DKK2: variants seen among roughly 807,000 people sequenced by gnomAD.
The protein encoded by DKK2 is dickkopf-related protein 2.
A neutral mutation model predicts 28.1 loss-of-function variants in DKK2; 11 were observed. That is an observed-to-expected ratio of 0.39 (90% confidence interval 0.25 to 0.65). DKK2 has a LOEUF of 0.65. Ranked by LOEUF, DKK2 falls within the 30% of genes least tolerant of loss-of-function variation. The pLI is 0.47. For synonymous variants in DKK2, 135 were observed against 126.5 expected (o/e 1.07, Z -0.45); for missense variants, 326 against 335.5 (o/e 0.97, Z 0.22).
At position 107,035,810 on chromosome 4, in the gene DKK2, A is replaced by G. The variant is rs1361272202; in HGVS notation, c.-219T>C. ...CCCAAGCGAGACCCGCTTCTCCACC[A>G]GGACAGGAAGTTCTGCAATAACTGG... On this transcript the variant is annotated 5_prime_UTR_variant, in exon 1 of 4. Coordinates refer to ENST00000285311, the MANE Select transcript of DKK2 (RefSeq NM_014421.3). 5 of 586,110 alleles carry G rather than the reference A, an allele frequency of 8.5e-6. No individual in the cohort carries two copies. Among genetic ancestry groups the G allele is most frequent in the Non-Finnish European group, 1.5e-5 (5 of 329,226 alleles). 36.3% of individuals were successfully genotyped at this position (586,110 alleles called of 1,614,324 possible).
At chr4:106,935,845 A>G (rs1724578031) in intron 1 of DKK2, among the ~76,000 whole-genome samples, 1 of 152,222 alleles carries the variant, frequency 6.6e-6, no homozygotes, top group East Asian at 1.9e-4. Flanking sequence ...GGCACACCCC[A>G]GCAGGGTCAC....
At chr4:106,970,261 T>C (rs1722851949) in intron 1 of DKK2, among the ~76,000 whole-genome samples, 1 of 152,066 alleles carries the variant, frequency 6.6e-6, no homozygotes, top group African/African-American at 2.4e-5. Flanking sequence ...ATTGTTTAAT[T>C]AAGGAGATAG....
chr4:106,949,381 T>A (rs1223195285), intron 1 of DKK2, among the ~76,000 whole-genome samples: 1 of 152,202 alleles, frequency 6.6e-6, no homozygotes, highest in Non-Finnish European at 1.5e-5. Flanking sequence ...ACTCACACAT[T>A]TCTAGATCTC....
intron 1 of DKK2, among the ~76,000 whole-genome samples, chr4:107,032,165 G>A (rs1012513603): frequency 3.9e-5 from 6 of 151,934 alleles, no homozygotes; most frequent in South Asian, 4.1e-4. Context: ...ACATTGATGC[G>A]AATAATTCAG....
intron 1 of DKK2, among the ~76,000 whole-genome samples, chr4:107,022,232 C>T (rs1324515162): frequency 6.6e-6 from 1 of 152,104 alleles, no homozygotes; most frequent in Non-Finnish European, 1.5e-5. Flanking sequence ...CTAGATGCTT[C>T]AAGTGCACTA....
intron 1 of DKK2, among the ~76,000 whole-genome samples, chr4:106,939,943 T>A (rs1724667877): frequency 6.6e-6 from 1 of 152,160 alleles, no homozygotes; most frequent in African/African-American, 2.4e-5. Context: ...CCTTATACCT[T>A]ATACAAAAAT....
intron 1 of DKK2, among the ~76,000 whole-genome samples, chr4:107,019,570 C>A (rs532992800): frequency 3.3e-5 from 5 of 152,164 alleles, no homozygotes; most frequent in Admixed American, 2.0e-4. Context: ...TATCTAGTCA[C>A]ATTAATGCTG....
At position 107,034,558 on chromosome 4, in the gene DKK2, T is replaced by C. The variant is rs1301564940; in HGVS notation, c.222+812A>G. On this transcript the variant is annotated intron_variant, in intron 1 of 3. Coordinates refer to ENST00000285311, the MANE Select transcript of DKK2 (RefSeq NM_014421.3). ...TCTGTATGACAGAGACAGAGGCGCC[T>C]GCGGAAAGTTCCCTCTCTCAAAAAC... 2.6e-5 allele frequency among the ~76,000 whole-genome samples: 4 copies of C among 152,184 alleles called. No homozygotes were observed. The East Asian group carries it at 7.7e-4, about 29-fold the overall frequency.
At chr4:106,942,633 A>G (rs997524697) in intron 1 of DKK2, among the ~76,000 whole-genome samples, 1 of 152,150 alleles carries the variant, frequency 6.6e-6, no homozygotes. Context: ...ATTGAGATAC[A>G]TAACACATAA....
At chr4:107,004,583 T>C (rs565891743) in intron 1 of DKK2, among the ~76,000 whole-genome samples, 1 of 152,340 alleles carries the variant, frequency 6.6e-6, no homozygotes, top group Admixed American at 6.5e-5. Context: ...ATAGAAGACA[T>C]GGCAAACAAA....
chr4:106,964,691 G>A (rs578151787), intron 1 of DKK2, among the ~76,000 whole-genome samples: 2 of 152,120 alleles, frequency 1.3e-5, no homozygotes, highest in South Asian at 4.2e-4. Flanking sequence ...TCTATAATCA[G>A]TTTTCTTTAA....
In DKK2 at chr4:106,958,348, C is replaced by T. The variant is rs912322640; in HGVS notation, c.223-32399G>A. 5.3e-5 allele frequency among the ~76,000 whole-genome samples: 8 copies of T among 151,990 alleles called. No homozygotes were observed. In the South Asian group the frequency reaches 8.3e-4, roughly 16 times the overall value. ...TACATTACCCATAATTTACAAGATT[C>T]GCACCCATATTCAAGAAACAAGCAT... On this transcript the variant is annotated intron_variant, in intron 1 of 3. Coordinates refer to ENST00000285311, the MANE Select transcript of DKK2 (RefSeq NM_014421.3).
rs142316080 is a variant in DKK2 at position 107,018,644 on chromosome 4, G to T, written c.222+16726C>A. On this transcript the variant is annotated intron_variant, in intron 1 of 3. Transcript: ENST00000285311. Reference sequence around the variant, plus strand: ...GTGCACATTCCAAAAATGCTCTATGGGTTGCTGGGTTTGTGACAATCAGAC... The same window carrying T: ...GTGCACATTCCAAAAATGCTCTATGTGTTGCTGGGTTTGTGACAATCAGAC... Among the ~76,000 whole-genome samples the T allele has an allele frequency of 1.5e-3, 225 of 152,064 alleles. 1 individual carries two copies. The highest frequency in any genetic ancestry group is 5.3e-3 in the African/African-American group (219 of 41,498).
intron 1 of DKK2, among the ~76,000 whole-genome samples, chr4:106,943,286 A>G (rs1724728889): frequency 6.6e-6 from 1 of 152,112 alleles, no homozygotes; most frequent in Admixed American, 6.6e-5. Context: ...TCTTTGAGTA[A>G]GGAAATCATC....
intron 1 of DKK2, among the ~76,000 whole-genome samples, chr4:106,935,469 CCA>C (rs1724568227): frequency 6.6e-6 from 1 of 152,166 alleles, no homozygotes; most frequent in African/African-American, 2.4e-5. Flanking sequence ...GGTCCTACAC[CCA>C]CAGAGTCTCA....
intron 1 of DKK2, among the ~76,000 whole-genome samples, chr4:106,927,547 C>A (rs1455512061): frequency 6.6e-6 from 1 of 152,126 alleles, no homozygotes; most frequent in African/African-American, 2.4e-5. Context: ...ATAACTGGAG[C>A]CACACAAAGC....
At chr4:106,952,309 T>C (rs1722466304) in intron 1 of DKK2, among the ~76,000 whole-genome samples, 1 of 152,156 alleles carries the variant, frequency 6.6e-6, no homozygotes, top group African/African-American at 2.4e-5. Context: ...AATGCTGTGA[T>C]TATATATTAA....
intron 1 of DKK2, among the ~76,000 whole-genome samples, chr4:106,953,563 G>A (rs909539411): frequency 8.5e-5 from 13 of 152,112 alleles, no homozygotes; most frequent in African/African-American, 3.1e-4. Context: ...CAGATCAGAC[G>A]TTTCACTCTG....
intron 1 of DKK2, among the ~76,000 whole-genome samples, chr4:106,950,860 T>C (rs1330985177): frequency 2.6e-5 from 4 of 152,168 alleles, no homozygotes; most frequent in Non-Finnish European, 4.4e-5. Flanking sequence ...CATGAAACCA[T>C]AACTTGAGTA....
Sources: allele counts gnomAD v4.1 joint callset (sites outside exome capture counted in the v4.1 genomes callset), GRCh38; gene constraint gnomAD v4.1.1; transcripts MANE v1.5; gene names NCBI Gene and HGNC (gene_info 2026-07-23, HGNC 2026-07-21).